The following RS1 variants were observed in gnomAD, a reference collection of about 807,000 sequenced individuals.
RS1 encodes retinoschisin.
Under a neutral mutation model 20.8 loss-of-function variants are expected in RS1, and 2 were observed. The observed-to-expected ratio is 0.10, with a 90% CI of 0.04 to 0.30. The LOEUF is 0.30. Ranked by LOEUF, RS1 falls within the 10% of genes least tolerant of loss-of-function variation. RS1 has a pLI of 1.00. For missense variants in RS1, 151 were observed against 189.8 expected (o/e 0.80, Z 1.20); for synonymous variants, 70 against 75.8 (o/e 0.92, Z 0.40).
intron 4 of RS1, among the ~76,000 whole-genome samples, chrX:18,646,276 C>T (rs1482360830): frequency 8.9e-6 from 1 of 111,766 alleles, no homozygotes; most frequent in Admixed American, 9.5e-5. Flanking sequence ...GCCTCAGCCT[C>T]CTAAGTAGCT....
At position 18,641,879 on chromosome X, in the gene RS1, C is replaced by T; in HGVS notation, c.*125G>A. ...TCTTAAAAAAAAAAAAATTATCTAC[C>T]CAGCACTGCAGTTACAATTGCTTTG... On this transcript the variant is annotated 3_prime_UTR_variant, in exon 6 of 6. Coordinates refer to ENST00000379984, the MANE Select transcript of RS1 (RefSeq NM_000330.4). 1.4e-6 allele frequency: 1 copy of T among 708,121 alleles called. No individual in the cohort carries two copies. Among genetic ancestry groups the T allele is most frequent in the South Asian group, 2.3e-5 (1 of 43,629 alleles). 58.4% of individuals were successfully genotyped at this position (708,121 alleles called of 1,213,427 possible).
At chrX:18,667,871 A>G (rs1220888372) in intron 1 of RS1, among the ~76,000 whole-genome samples, 1 of 111,968 alleles carries the variant, frequency 8.9e-6, no homozygotes, top group East Asian at 2.8e-4. Context: ...TCCTTATGGA[A>G]GTGAGCAGAG....
intron 1 of RS1, among the ~76,000 whole-genome samples, chrX:18,669,661 C>T (rs929514381): frequency 9.0e-6 from 1 of 111,061 alleles, no homozygotes; most frequent in East Asian, 2.8e-4. Flanking sequence ...GACAAACAGC[C>T]TTTGTCTTCA....
At chrX:18,663,625 C>G (rs1442506327) in intron 1 of RS1, among the ~76,000 whole-genome samples, 1 of 111,497 alleles carries the variant, frequency 9.0e-6, no homozygotes, top group Admixed American at 9.6e-5. Context: ...GGATTACAGT[C>G]GTGAGCCACT....
intron 3 of RS1, among the ~76,000 whole-genome samples, chrX:18,652,459 A>G (rs1409613994): frequency 1.8e-5 from 2 of 112,146 alleles, no homozygotes; most frequent in Non-Finnish European, 3.8e-5. Context: ...ACTTGAGGTC[A>G]GGAGTTCGAG....
chrX:18,640,669 T>A lies in RS1; in HGVS notation c.*1335A>T, dbSNP rs1450302839. 8.9e-6 allele frequency: 1 copy of A among 112,279 alleles called. No homozygotes were observed. The highest frequency in any genetic ancestry group is 3.2e-5 in the African/African-American group (1 of 30,808). The allele number at this position is 112,279 out of a possible 1,213,427, so 9.3% of individuals were successfully genotyped here. A position where few individuals can be genotyped will look rare whatever the true frequency, so the allele number is the denominator to read the frequency against. ...GTCCAGCACTGTATTAGCGCGAGTC[T>A]AGTCACTTGCCTTGGCATTTGAAAA... On this transcript the variant is annotated 3_prime_UTR_variant, in exon 6 of 6. Coordinates refer to ENST00000379984, the MANE Select transcript of RS1 (RefSeq NM_000330.4).
In RS1 at chrX:18,672,018, T is replaced by A. The variant is rs1224768865; in HGVS notation, c.51A>T (p.Glu17Asp). The change falls in exon 1 of 6, where the codon GAA becomes GAT. Residue 17 changes from glutamate (E) to aspartate (D), a missense_variant and splice_region_variant. Physicochemically the swap from Glu to Asp is conservative, Grantham distance 45. Transcript: ENST00000379984. The stretch of plus-strand genomic sequence containing the variant: ...TGTCAATGGTTGAATAGCACATACC[T>A]TCATAGCCAAAGAGAAGTAATAACA... ...GFLLLLLFGY[E>D]ATLGLSSTED... The A allele has an allele frequency of 8.3e-7, 1 of 1,208,013 alleles. No homozygotes were observed. Among genetic ancestry groups the A allele is most frequent in the Non-Finnish European group, 1.1e-6 (1 of 892,036 alleles).
In RS1 at chrX:18,642,128, G is replaced by A. The variant is rs1316792491; in HGVS notation, c.551C>T (p.Ser184Phe). The change falls in exon 6 of 6, where the codon TCC becomes TTC. Residue 184 changes from serine (S) to phenylalanine (F), a missense_variant. Transcript: ENST00000379984. ...GGGCCGCAGCAGGTTCTGAACCGTG[G>A]AGGTGCGGTCCGAGTTGCCATAGAA... is the stretch of plus-strand genomic sequence containing the variant. ...RVFYGNSDRT[S>F]TVQNLLRPPI... 4 of 1,212,120 alleles carry A rather than the reference G, an allele frequency of 3.3e-6. No individual in the cohort carries two copies. The highest frequency in any genetic ancestry group is 4.5e-6 in the Non-Finnish European group (4 of 895,459).
intron 2 of RS1, 25 bp from the exon 3 acceptor site, chrX:18,656,783 C>T (rs1187518194): frequency 1.7e-6 from 2 of 1,156,604 alleles, no homozygotes; most frequent in South Asian, 1.8e-5. Flanking sequence ...AGAGGCAGGG[C>T]AGAAAAGTCA....
At chrX:18,668,517 G>C (rs1275874228) in intron 1 of RS1, among the ~76,000 whole-genome samples, 2 of 113,169 alleles carry the variant, frequency 1.8e-5, no homozygotes, top group Non-Finnish European at 3.7e-5. Flanking sequence ...GATTAAAAAT[G>C]GTCTGTAACC....
At chrX:18,651,753 G>A (rs751545045) in intron 3 of RS1, among the ~76,000 whole-genome samples, 5 of 111,963 alleles carry the variant, frequency 4.5e-5, no homozygotes, top group African/African-American at 9.8e-5. Flanking sequence ...TTCTTCTAAC[G>A]TGGAAAAATA....
chrX:18,667,476 G>T (rs902909289), intron 1 of RS1, among the ~76,000 whole-genome samples: 2 of 107,833 alleles, frequency 1.9e-5, no homozygotes, highest in Non-Finnish European at 3.8e-5. Context: ...ACCCAGGCGG[G>T]CGGAAGGTTG....
At chrX:18,667,701 C>A in intron 1 of RS1, among the ~76,000 whole-genome samples, 1 of 111,530 alleles carries the variant, frequency 9.0e-6, no homozygotes, top group East Asian at 2.8e-4. Flanking sequence ...TGAGCTGTCA[C>A]TGAGCAAACC....
chrX:18,661,508 C>A (rs1282133162), intron 1 of RS1, among the ~76,000 whole-genome samples: 2 of 112,097 alleles, frequency 1.8e-5, no homozygotes, highest in African/African-American at 6.5e-5. Context: ...CCTGCCTTCT[C>A]ACAGGGACAG....
At chrX:18,668,480 C>T (rs767985129) in intron 1 of RS1, among the ~76,000 whole-genome samples, 1 of 112,733 alleles carries the variant, frequency 8.9e-6, no homozygotes, top group South Asian at 3.6e-4. Flanking sequence ...CAGATGAAGC[C>T]GAGAAGAAAA....
chrX:18,647,844 T>C (rs1474096541), intron 3 of RS1, among the ~76,000 whole-genome samples: 1 of 111,000 alleles, frequency 9.0e-6, no homozygotes, highest in East Asian at 2.8e-4. Context: ...TATTGAGATA[T>C]AGAGAATGAC....
intron 3 of RS1, chrX:18,650,283 A>G (rs1927972615): frequency 1.7e-6 from 1 of 603,034 alleles, no homozygotes; most frequent in African/African-American, 2.2e-5. Context: ...CCAGACGTGG[A>G]TGCTGTACTT....
rs61752075 is a variant in RS1 at position 18,644,623 on chromosome X, C to T, written c.329G>A (p.Cys110Tyr). 8.3e-7 allele frequency: 1 copy of T among 1,210,595 alleles called. No homozygotes were observed. Among genetic ancestry groups the T allele is most frequent in the Non-Finnish European group, 1.1e-6 (1 of 894,764 alleles). Residue 110 changes from cysteine to tyrosine, a missense_variant and splice_region_variant, in exon 5 of 6, where the codon TGT becomes TAT. Cys to Tyr is a radical substitution (Grantham distance 194). Coordinates refer to ENST00000379984, the MANE Select transcript of RS1 (RefSeq NM_000330.4). The stretch of plus-strand genomic sequence containing the variant: ...GTCCTGGAACTTGGAGAGCCAGGCA[C>T]ACCTGCCGAGAACATACCGAGTCAC... Reference protein sequence around the residue: ...KARLNSQGFGCAWLSKFQDSS... With the variant: ...KARLNSQGFGYAWLSKFQDSS...
chrX:18,643,520 G>C (rs1419868873), intron 5 of RS1, among the ~76,000 whole-genome samples: 5 of 112,354 alleles, frequency 4.5e-5, no homozygotes, highest in African/African-American at 9.7e-5. Context: ...GCCTTCAGAA[G>C]CACAGGGCTT....
Sources: allele counts gnomAD v4.1 joint callset (sites outside exome capture counted in the v4.1 genomes callset), GRCh38; gene constraint gnomAD v4.1.1; transcripts MANE v1.5; gene names NCBI Gene and HGNC (gene_info 2026-07-23, HGNC 2026-07-21).